PKIB: variants seen among roughly 807,000 people sequenced by gnomAD.
PKIB encodes the protein PKI-beta.
PKIB carries 2 observed loss-of-function variants against 4.5 expected under a neutral mutation model. The observed-to-expected ratio is 0.44, with a 90% CI of 0.18 to 1.39. The LOEUF (loss-of-function observed/expected upper bound fraction) is 1.39. Among genes scored for constraint, PKIB ranks in the 40% most tolerant of loss-of-function variants. The probability of loss-of-function intolerance (pLI) is 0.27; values close to 1 mark genes in which losing one functional copy is unlikely to be tolerated. For synonymous variants in PKIB, 38 were observed against 36.0 expected (o/e 1.06, Z -0.20); for missense variants, 94 against 92.6 (o/e 1.02, Z -0.06).
chr6:122,604,662 T>C (rs556384489), intron 3 of PKIB, among the ~76,000 whole-genome samples: 1 of 152,278 alleles, frequency 6.6e-6, no homozygotes, highest in Non-Finnish European at 1.5e-5. Flanking sequence ...CTTAAAGAAA[T>C]TTAGAGCAGG....
chr6:122,574,417 G>A (rs1773468659), intron 2 of PKIB, among the ~76,000 whole-genome samples: 1 of 151,802 alleles, frequency 6.6e-6, no homozygotes, highest in Non-Finnish European at 1.5e-5. Flanking sequence ...AACAATCCTA[G>A]AATTAATATG....
chr6:122,591,964 C>A (rs1165889628), intron 3 of PKIB, among the ~76,000 whole-genome samples: 1 of 150,694 alleles, frequency 6.6e-6, no homozygotes, highest in African/African-American at 2.4e-5. Flanking sequence ...ATGTCCTCAA[C>A]TGGGATTCAA....
chr6:122,514,368 G>T, intron 2 of PKIB, among the ~76,000 whole-genome samples: 1 of 152,142 alleles, frequency 6.6e-6, no homozygotes, highest in East Asian at 1.9e-4. Flanking sequence ...TGGCATTTTA[G>T]CAAACTCAAA....
chr6:122,535,347 A>G (rs939678906), intron 2 of PKIB, among the ~76,000 whole-genome samples: 5 of 152,204 alleles, frequency 3.3e-5, no homozygotes, highest in Admixed American at 6.6e-5. Flanking sequence ...TCTTCCCTAA[A>G]AAAGGTTCAA....
intron 2 of PKIB, among the ~76,000 whole-genome samples, chr6:122,524,995 C>A (rs989666256): frequency 2.0e-5 from 3 of 150,620 alleles, no homozygotes; most frequent in Admixed American, 2.0e-4. Context: ...TATTTTTTTC[C>A]TTCTGCTAAT....
chr6:122,724,197 T>C (rs1290263931), intron 4 of PKIB, among the ~76,000 whole-genome samples: 5 of 152,136 alleles, frequency 3.3e-5, no homozygotes, highest in African/African-American at 1.2e-4. Context: ...TCTTTGTTAG[T>C]TTAAAGACAG....
intron 3 of PKIB, among the ~76,000 whole-genome samples, chr6:122,677,408 CT>C: frequency 6.6e-6 from 1 of 152,232 alleles, no homozygotes; most frequent in Admixed American, 6.5e-5. Context: ...GCATCGCTAA[CT>C]TTTGGTTGAA....
At chr6:122,724,074 CAGG>C (rs1779846390) in intron 4 of PKIB, among the ~76,000 whole-genome samples, 1 of 152,074 alleles carries the variant, frequency 6.6e-6, no homozygotes, top group Admixed American at 6.5e-5. Context: ...AGCAGTTTTG[CAGG>C]AGTAGTAGAC....
chr6:122,484,683 C>T (rs1333419966), intron 2 of PKIB, among the ~76,000 whole-genome samples: 1 of 152,050 alleles, frequency 6.6e-6, no homozygotes, highest in Non-Finnish European at 1.5e-5. Context: ...TTGTTTAATC[C>T]AATGTTTCTT....
Position 122,552,961 on chromosome 6 carries a change from C to T in PKIB, c.-247-32960C>T, listed in dbSNP as rs569722776. ...GTGGCTACTCCTTATATCTGCTATTCCTAAATTCACTGGATTTTTTTTTAT... is the reference window on the plus strand; with the variant it reads ...GTGGCTACTCCTTATATCTGCTATTTCTAAATTCACTGGATTTTTTTTTAT... On this transcript the variant is annotated intron_variant, in intron 2 of 6. Transcript: ENST00000392491. Among the ~76,000 whole-genome samples the T allele has an allele frequency of 2.0e-5, 3 of 152,224 alleles. No individual in the cohort carries two copies. The East Asian group carries it at 5.8e-4, about 29-fold the overall frequency.
chr6:122,585,631 C>T (rs1470308534), intron 2 of PKIB: 1 of 151,994 alleles, frequency 6.6e-6, no homozygotes, highest in Admixed American at 6.6e-5. Context: ...AACATTAAGT[C>T]TATAGAAGTG....
Position 122,501,017 on chromosome 6 carries a change from TC to T in PKIB, c.-248+23081del, listed in dbSNP as rs199942827. Among the ~76,000 whole-genome samples, 57 of 152,100 alleles carry T rather than the reference TC, an allele frequency of 3.7e-4. No homozygotes were observed. The East Asian group carries it at 0.011, about 29-fold the overall frequency. On this transcript the variant is annotated intron_variant, in intron 2 of 6. Transcript: ENST00000392491. The stretch of plus-strand genomic sequence containing the variant: ...TCAATCACCCCCCACCAGGACCCTC[TC>T]CCAACACGTGGGGATTACAATTTGA...
At chr6:122,472,086 G>A in intron 1 of PKIB, 1 of 342,208 alleles carries the variant, frequency 2.9e-6, no homozygotes, top group African/African-American at 2.1e-5. Flanking sequence ...TTGCATTTGG[G>A]CATTAGTAGA....
chr6:122,671,150 G>A (rs1159200038), intron 2 of PKIB, among the ~76,000 whole-genome samples: 2 of 151,962 alleles, frequency 1.3e-5, no homozygotes, highest in Admixed American at 1.3e-4. Context: ...AAATTAGCTG[G>A]GTGTGGTGGT....
intron 2 of PKIB, among the ~76,000 whole-genome samples, chr6:122,654,858 A>G (rs1776705290): frequency 6.6e-6 from 1 of 152,184 alleles, no homozygotes; most frequent in African/African-American, 2.4e-5. Context: ...GGAGAAAAAT[A>G]TGACTCATGT....
At chr6:122,616,535 C>G (rs937516905) in intron 1 of PKIB, among the ~76,000 whole-genome samples, 1 of 152,070 alleles carries the variant, frequency 6.6e-6, no homozygotes, top group African/African-American at 2.4e-5. Flanking sequence ...TAAAGGAAAG[C>G]CTTTGTCCTA....
chr6:122,700,689 G>T (rs1778775413), intron 3 of PKIB, among the ~76,000 whole-genome samples: 1 of 152,104 alleles, frequency 6.6e-6, no homozygotes, highest in Admixed American at 6.6e-5. Flanking sequence ...TTCTTTCTCT[G>T]CACAAATTCC....
intron 2 of PKIB, among the ~76,000 whole-genome samples, chr6:122,539,763 C>T (rs377342208): frequency 4.6e-5 from 7 of 152,126 alleles, no homozygotes; most frequent in South Asian, 2.1e-4. Context: ...ATGGTACCAG[C>T]TCCTCCTTGT....
At chr6:122,548,328 A>G (rs982236195) in intron 2 of PKIB, among the ~76,000 whole-genome samples, 7 of 152,238 alleles carry the variant, frequency 4.6e-5, no homozygotes, top group Admixed American at 3.9e-4. Flanking sequence ...TGTATAGACT[A>G]TCAGCAGCTG....
Sources: allele counts gnomAD v4.1 joint callset (sites outside exome capture counted in the v4.1 genomes callset), GRCh38; gene constraint gnomAD v4.1.1; transcripts MANE v1.5; gene names NCBI Gene and HGNC (gene_info 2026-07-23, HGNC 2026-07-21).